The following SRBD1 variants were observed in gnomAD, a reference collection of about 807,000 sequenced individuals.
SRBD1 encodes the protein S1 RNA binding domain 1, also known as S1 RNA-binding domain-containing protein 1.
In SRBD1, 88 loss-of-function variants were observed where a neutral mutation model predicts 115.3. The observed-to-expected ratio is 0.76, with a 90% confidence interval of 0.64 to 0.91. The LOEUF (loss-of-function observed/expected upper bound fraction) is 0.91, where lower values mean the gene tolerates loss of function less well. SRBD1 is among the 40% of genes least tolerant of loss of function. The pLI is 0.00. For missense variants in SRBD1, 1,385 were observed against 1,177.4 expected (o/e 1.18, Z -2.58); for synonymous variants, 509 against 407.7 (o/e 1.25, Z -2.99).
At chr2:45,541,967 C>G (rs1001886461) in intron 14 of SRBD1, among the ~76,000 whole-genome samples, 5 of 152,254 alleles carry the variant, frequency 3.3e-5, no homozygotes, top group African/African-American at 1.2e-4. Flanking sequence ...GGCAACCTGG[C>G]CTCCAGACTT....
chr2:45,437,297 T>G (rs2103694923), intron 16 of SRBD1, among the ~76,000 whole-genome samples: 1 of 148,764 alleles, frequency 6.7e-6, no homozygotes, highest in Non-Finnish European at 1.5e-5. Context: ...GAACTGACAC[T>G]ATCTAACTTT....
intron 10 of SRBD1, among the ~76,000 whole-genome samples, chr2:45,554,374 G>A (rs1036271827): frequency 1.2e-4 from 18 of 152,146 alleles, no homozygotes; most frequent in African/African-American, 4.1e-4. Context: ...CATAGTCTGT[G>A]GTATTTTGTT....
chr2:45,594,119 T>A (rs1673814575), intron 4 of SRBD1, among the ~76,000 whole-genome samples: 1 of 152,170 alleles, frequency 6.6e-6, no homozygotes, highest in Admixed American at 6.5e-5. Context: ...GACAAATAGG[T>A]TAAACCTAAT....
At chr2:45,504,217 T>C (rs972348353) in intron 14 of SRBD1, among the ~76,000 whole-genome samples, 2 of 152,002 alleles carry the variant, frequency 1.3e-5, no homozygotes, top group Non-Finnish European at 2.9e-5. Context: ...TGTTGGCCAA[T>C]CCTTCATTCT....
rs561278709 is a variant in SRBD1 at position 45,452,868 on chromosome 2, G to T, written c.2049+24125C>A. Among the ~76,000 whole-genome samples, 6 of 152,034 alleles carry T rather than the reference G, an allele frequency of 3.9e-5. No individual in the cohort carries two copies. In the South Asian group the frequency reaches 1.2e-3, roughly 32 times the overall value. On this transcript the variant is annotated intron_variant, in intron 16 of 20. Transcript: ENST00000263736. ...TATTAGGGTATTACAAATGCAAATG[G>T]TTAATGTGGAATAAACTGTATACTA...
intron 16 of SRBD1, among the ~76,000 whole-genome samples, chr2:45,472,528 A>G (rs990593201): frequency 1.7e-4 from 26 of 152,236 alleles, no homozygotes; most frequent in Admixed American, 6.5e-5. Flanking sequence ...GCTGGAGTGC[A>G]GTGGCTATGC....
At chr2:45,473,104 G>T (rs1051686168) in intron 16 of SRBD1, among the ~76,000 whole-genome samples, 1 of 151,522 alleles carries the variant, frequency 6.6e-6, no homozygotes, top group Non-Finnish European at 1.5e-5. Context: ...ATATTTTGTT[G>T]TTTATTTCCT....
rs1672725294 is a variant in SRBD1 at position 45,563,129 on chromosome 2, C to T, written c.1306-373G>A. 3.9e-5 allele frequency among the ~76,000 whole-genome samples: 6 copies of T among 152,102 alleles called. No homozygotes were observed. The South Asian group carries it at 1.2e-3, about 32-fold the overall frequency. ...AAGATAAATACAAACATGTAAAATCCTAGGTGCAATATTTAGTAGCTACAA... is the reference window on the plus strand; with the variant it reads ...AAGATAAATACAAACATGTAAAATCTTAGGTGCAATATTTAGTAGCTACAA... On this transcript the variant is annotated intron_variant, in intron 9 of 20. Transcript: ENST00000263736.
At chr2:45,413,780 T>G (rs1667676222) in intron 18 of SRBD1, among the ~76,000 whole-genome samples, 1 of 151,924 alleles carries the variant, frequency 6.6e-6, no homozygotes, top group South Asian at 2.1e-4. Flanking sequence ...ATAAAAAAAT[T>G]AGCTGGGTGT....
At chr2:45,452,118 C>A (rs1308569710) in intron 16 of SRBD1, among the ~76,000 whole-genome samples, 1 of 151,878 alleles carries the variant, frequency 6.6e-6, no homozygotes, top group Non-Finnish European at 1.5e-5. Flanking sequence ...ACTGTTCAAA[C>A]CAAAAACTGC....
intron 14 of SRBD1, among the ~76,000 whole-genome samples, chr2:45,536,982 T>A (rs1671782543): frequency 6.6e-6 from 1 of 152,170 alleles, no homozygotes; most frequent in South Asian, 2.1e-4. Context: ...AAACAAATAT[T>A]CATGAGACAA....
intron 9 of SRBD1, among the ~76,000 whole-genome samples, chr2:45,567,483 C>T (rs1256200561): frequency 2.6e-5 from 4 of 152,028 alleles, no homozygotes; most frequent in African/African-American, 9.7e-5. Context: ...CTTGTGCATG[C>T]CCATAGTCCC....
chr2:45,407,002 T>C (rs1381749044), intron 19 of SRBD1, among the ~76,000 whole-genome samples: 1 of 152,206 alleles, frequency 6.6e-6, no homozygotes, highest in Non-Finnish European at 1.5e-5. Flanking sequence ...CATTAAAATC[T>C]GGCTGCAAGC....
chr2:45,445,579 A>AAAG lies in SRBD1; in HGVS notation c.2050-25686_2050-25685insCTT, dbSNP rs1668798323. On this transcript the variant is annotated intron_variant, in intron 16 of 20. Transcript: ENST00000263736. ...AAAAAAAAAAAAAAAAAAAAAAAAAAGTAGAAAAGGAATTAGTGTTAGTCA... is the reference window on the plus strand; with the variant it reads ...AAAAAAAAAAAAAAAAAAAAAAAAAAAAGGTAGAAAAGGAATTAGTGTTAGTCA... Among the ~76,000 whole-genome samples the AAAG allele has an allele frequency of 4.8e-5, 7 of 145,962 alleles. No individual in the cohort carries two copies. The South Asian group carries it at 1.5e-3, about 32-fold the overall frequency.
chr2:45,591,940 C>T (rs1673738740), intron 4 of SRBD1, among the ~76,000 whole-genome samples: 1 of 152,086 alleles, frequency 6.6e-6, no homozygotes, highest in Admixed American at 6.5e-5. Context: ...ATGTGCCCAC[C>T]CAAATCTCAA....
intron 16 of SRBD1, among the ~76,000 whole-genome samples, chr2:45,442,325 A>T (rs564584379): frequency 6.6e-6 from 1 of 152,328 alleles, no homozygotes; most frequent in Non-Finnish European, 1.5e-5. Context: ...CCTTGATGCA[A>T]TTAATAGATA....
At chr2:45,406,668 C>A (rs1667446732) in intron 19 of SRBD1, among the ~76,000 whole-genome samples, 1 of 152,128 alleles carries the variant, frequency 6.6e-6, no homozygotes, top group Non-Finnish European at 1.5e-5. Flanking sequence ...GTGGAATATT[C>A]TTCAGGAAAT....
intron 14 of SRBD1, among the ~76,000 whole-genome samples, chr2:45,516,811 T>C (rs1180388399): frequency 6.6e-6 from 1 of 152,188 alleles, no homozygotes; most frequent in Non-Finnish European, 1.5e-5. Context: ...GAAAGGCATT[T>C]TGTTAATATA....
chr2:45,543,589 T>C (rs932227134), intron 14 of SRBD1, among the ~76,000 whole-genome samples: 3 of 152,164 alleles, frequency 2.0e-5, no homozygotes, highest in African/African-American at 7.2e-5. Context: ...AGATTTCAAT[T>C]TCAGTGTAAC....
Sources: allele counts gnomAD v4.1 joint callset (sites outside exome capture counted in the v4.1 genomes callset), GRCh38; gene constraint gnomAD v4.1.1; transcripts MANE v1.5; gene names NCBI Gene and HGNC (gene_info 2026-07-23, HGNC 2026-07-21).